The following VPS45 variants were observed in gnomAD, a reference collection of about 807,000 sequenced individuals.
The protein encoded by VPS45 is vacuolar protein sorting 45 homolog, also known as vacuolar protein sorting-associated protein 45.
A neutral mutation model predicts 75.9 loss-of-function variants in VPS45; 35 were observed. That is an observed-to-expected ratio of 0.46 (90% CI 0.35 to 0.61). The LOEUF is 0.61. VPS45 is among the 20% of genes least tolerant of loss of function. The pLI is 0.00. For synonymous variants in VPS45, 220 were observed against 238.2 expected, an observed-to-expected ratio of 0.92 and a Z score of 0.70; for missense variants, 559 against 685.9, an observed-to-expected ratio of 0.81 and a Z score of 2.07.
chr1:150,110,098 G>C (rs1657562001), intron 13 of VPS45: 1 of 161,164 alleles, frequency 6.2e-6, no homozygotes, highest in Non-Finnish European at 1.4e-5. Context: ...TTTGACAAAG[G>C]CTTATACATG....
intron 13 of VPS45, among the ~76,000 whole-genome samples, chr1:150,107,428 T>C (rs1657391621): frequency 6.6e-6 from 1 of 152,194 alleles, no homozygotes; most frequent in African/African-American, 2.4e-5. Context: ...TACTGAAGAA[T>C]ATGTATTTTT....
At chr1:150,124,517 A>G (rs1437855190) in intron 14 of VPS45, among the ~76,000 whole-genome samples, 1 of 150,066 alleles carries the variant, frequency 6.7e-6, no homozygotes, top group African/African-American at 2.4e-5. Context: ...GCTCAGAGCT[A>G]ATCACTGTTA....
intron 13 of VPS45, among the ~76,000 whole-genome samples, chr1:150,108,411 A>T (rs1215380790): frequency 6.6e-6 from 1 of 152,174 alleles, no homozygotes; most frequent in Admixed American, 6.5e-5. Context: ...TTAAATATTT[A>T]ATTTTATTTT....
At position 150,072,148 on chromosome 1, in the gene VPS45, T is replaced by C. The variant is rs782685502; in HGVS notation, c.229-18T>C. On this transcript the variant is annotated intron_variant, in intron 2 of 14. Coordinates refer to ENST00000644510, the MANE Select transcript of VPS45 (RefSeq NM_007259.5). ...GCAACTCTCCTCATATTTTGTTTGC[T>C]TGTTCTTCATTTTCTAGGAGAATGT... 6.2e-7 allele frequency: 1 copy of C among 1,603,248 alleles called. No homozygotes were observed. Among genetic ancestry groups the C allele is most frequent in the Non-Finnish European group, 8.5e-7 (1 of 1,174,180 alleles).
intron 8 of VPS45, 125 bp downstream of exon 8, chr1:150,081,601 A>G (rs587733254): frequency 1.4e-5 from 16 of 1,148,718 alleles, no homozygotes; most frequent in South Asian, 8.7e-5. Flanking sequence ...CATCCTGTGC[A>G]TAAACTGCCT....
intron 10 of VPS45, among the ~76,000 whole-genome samples, chr1:150,089,342 T>C (rs1176238209): frequency 6.6e-6 from 1 of 152,134 alleles, no homozygotes; most frequent in African/African-American, 2.4e-5. Flanking sequence ...TTCTTTTCTT[T>C]TTAAAAAAAT....
intron 14 of VPS45, among the ~76,000 whole-genome samples, chr1:150,116,996 A>G (rs1553808455): frequency 6.6e-6 from 1 of 152,078 alleles, no homozygotes; most frequent in Non-Finnish European, 1.5e-5. Flanking sequence ...AGGTCAGAAG[A>G]TCGAGACCAT....
chr1:150,142,819 AT>A (rs1553815608), intron 14 of VPS45: 1 of 448,014 alleles, frequency 2.2e-6, no homozygotes, highest in Non-Finnish European at 4.5e-6. Context: ...CACCTGTCTA[AT>A]TTTTGTATTT....
chr1:150,116,717 T>A (rs1553808387), intron 14 of VPS45, among the ~76,000 whole-genome samples: 1 of 152,220 alleles, frequency 6.6e-6, no homozygotes, highest in Non-Finnish European at 1.5e-5. Flanking sequence ...ATTTCATGAA[T>A]GTTTAGTTAA....
At chr1:150,093,994 C>T (rs1298809488) in intron 13 of VPS45, among the ~76,000 whole-genome samples, 1 of 152,166 alleles carries the variant, frequency 6.6e-6, no homozygotes, top group Non-Finnish European at 1.5e-5. Context: ...GCTTGATTGC[C>T]ATCCAGAGCA....
Position 150,110,539 on chromosome 1 carries a change from G to C in VPS45, c.1537G>C (p.Glu513Gln). Residue 513 changes from glutamate to glutamine, a missense_variant, in exon 14 of 15, where the codon GAA (glutamate) becomes CAA (glutamine). By Grantham distance (29) the Glu-to-Gln change is conservative. Transcript: ENST00000644510. ...GTTTGTAATTGGAGGAGCCACCTAT[G>C]AAGAGGCTCTAACAGTTTATAACCT... ...IVFVIGGATY[E>Q]EALTVYNLNR... 1 of 1,613,614 alleles carries C rather than the reference G, an allele frequency of 6.2e-7. No individual in the cohort carries two copies. Among genetic ancestry groups the C allele is most frequent in the African/African-American group, 1.3e-5 (1 of 74,980 alleles).
intron 13 of VPS45, among the ~76,000 whole-genome samples, chr1:150,101,085 A>G (rs1487656764): frequency 3.3e-5 from 5 of 152,302 alleles, no homozygotes; most frequent in African/African-American, 1.2e-4. Flanking sequence ...CCTAGTCAAC[A>G]TGGTGAAACC....
chr1:150,088,364 G>A (rs192639755), intron 10 of VPS45, among the ~76,000 whole-genome samples: 1 of 148,876 alleles, frequency 6.7e-6, no homozygotes, highest in Admixed American at 6.7e-5. Context: ...TTCACTTAAT[G>A]TAAGTCCTCC....
At chr1:150,109,402 C>G (rs1394870406) in intron 13 of VPS45, 1 of 152,112 alleles carries the variant, frequency 6.6e-6, no homozygotes, top group Non-Finnish European at 1.5e-5. Flanking sequence ...ATAGCTGATT[C>G]TGTTTCAGTG....
In VPS45 at chr1:150,068,600, A is replaced by T. The variant is rs1170769687; in HGVS notation, c.94-30A>T. ...CTTGTTTTTATTATTCTAGACTAGC[A>T]TACTTTTAGTTAATCTTTTGTTTTT... On this transcript the variant is annotated intron_variant, in intron 1 of 14. Coordinates refer to ENST00000644510, the MANE Select transcript of VPS45 (RefSeq NM_007259.5). 2.7e-6 allele frequency: 4 copies of T among 1,488,572 alleles called. No homozygotes were observed. The African/African-American group carries it at 5.7e-5, about 21-fold the overall frequency. The allele number at this position is 1,488,572 out of a possible 1,614,324, so 92.2% of individuals were successfully genotyped here.
chr1:150,085,737 A>G (rs1333042475), intron 10 of VPS45, among the ~76,000 whole-genome samples: 2 of 151,886 alleles, frequency 1.3e-5, no homozygotes, highest in African/African-American at 4.8e-5. Context: ...TCATGACAAG[A>G]AAAAAAAGCA....
At position 150,094,340 on chromosome 1, in the gene VPS45, G is replaced by T. The variant is rs1185334371; in HGVS notation, c.1493+692G>T. ...CTTGAATCCTATTGGATAGATTAAT[G>T]TGAAAATTTTACTGTTGACATAATT... On this transcript the variant is annotated intron_variant, in intron 13 of 14. Coordinates refer to ENST00000644510, the MANE Select transcript of VPS45 (RefSeq NM_007259.5). Among the ~76,000 whole-genome samples the T allele has an allele frequency of 2.0e-5, 3 of 152,074 alleles. No homozygotes were observed. The East Asian group carries it at 5.8e-4, about 29-fold the overall frequency.
intron 13 of VPS45, among the ~76,000 whole-genome samples, chr1:150,099,478 C>T (rs1240959087): frequency 2.0e-5 from 3 of 149,434 alleles, no homozygotes; most frequent in Non-Finnish European, 4.4e-5. Flanking sequence ...CGCCACTGCA[C>T]TCCAGTCTGG....
intron 13 of VPS45, among the ~76,000 whole-genome samples, chr1:150,100,919 G>C (rs1481476301): frequency 1.3e-5 from 2 of 152,156 alleles, no homozygotes; most frequent in Non-Finnish European, 2.9e-5. Flanking sequence ...CCTAGGAACA[G>C]GCTAAGATTT....
Sources: gnomAD v4.1 joint callset for allele counts (sites outside exome capture counted in the v4.1 genomes callset) on GRCh38, gnomAD v4.1.1 for gene constraint, MANE v1.5 for transcripts, NCBI Gene and HGNC (gene_info 2026-07-23, HGNC 2026-07-21) for gene names.